The following PAM variants were observed in gnomAD, a reference collection of about 807,000 sequenced individuals.
PAM encodes peptidylglycine alpha-amidating monooxygenase.
Under a neutral mutation model 122.1 loss-of-function variants are expected in PAM, and 72 were observed. That is an observed-to-expected ratio of 0.59 (90% confidence interval 0.49 to 0.72). The LOEUF is 0.72. PAM is among the 30% of genes least tolerant of loss of function. PAM has a pLI of 0.00. For missense variants in PAM, 1,106 were observed against 1,183.7 expected (o/e 0.93, Z 0.96); for synonymous variants, 389 against 404.4 (o/e 0.96, Z 0.46).
At chr5:102,773,398 C>G (rs1013595863) in intron 1 of PAM, among the ~76,000 whole-genome samples, 7 of 152,074 alleles carry the variant, frequency 4.6e-5, no homozygotes, top group Admixed American at 1.3e-4. Context: ...TTGTAGGCCA[C>G]ATGTGATCTC....
At chr5:102,949,055 A>G (rs927272489) in intron 9 of PAM, among the ~76,000 whole-genome samples, 3 of 151,970 alleles carry the variant, frequency 2.0e-5, no homozygotes, top group Non-Finnish European at 2.9e-5. Context: ...CTTTGTTACC[A>G]TTTTTTCATC....
At chr5:102,767,659 A>G (rs1754493535) in intron 1 of PAM, among the ~76,000 whole-genome samples, 1 of 152,166 alleles carries the variant, frequency 6.6e-6, no homozygotes, top group South Asian at 2.1e-4. Context: ...TACAGCCCCT[A>G]TATTCCAAAT....
chr5:102,802,124 TG>T (rs1764944514), intron 1 of PAM, among the ~76,000 whole-genome samples: 1 of 152,112 alleles, frequency 6.6e-6, no homozygotes, highest in Non-Finnish European at 1.5e-5. Context: ...GAGACGAAAA[TG>T]GGAACTTATC....
intron 1 of PAM, among the ~76,000 whole-genome samples, chr5:102,804,221 T>C (rs1369961255): frequency 4.6e-5 from 7 of 152,170 alleles, no homozygotes; most frequent in Non-Finnish European, 1.0e-4. Flanking sequence ...GTGCACTTGA[T>C]TTAGCAGCTC....
At chr5:102,960,960 G>A (rs1285046825) in intron 13 of PAM, among the ~76,000 whole-genome samples, 198 bp from the exon 14 acceptor site, 1 of 112,488 alleles carries the variant, frequency 8.9e-6, no homozygotes, top group African/African-American at 3.5e-5. Flanking sequence ...CAGATGTCTT[G>A]TAATTGGTAG....
intron 21 of PAM, among the ~76,000 whole-genome samples, chr5:103,016,682 A>G (rs962270874): frequency 6.6e-6 from 1 of 152,224 alleles, no homozygotes; most frequent in African/African-American, 2.4e-5. Context: ...AGTAGGGACA[A>G]AAGCCCAGGA....
At chr5:103,002,298 A>G (rs1306026461) in intron 16 of PAM, among the ~76,000 whole-genome samples, 1 of 152,088 alleles carries the variant, frequency 6.6e-6, no homozygotes, top group African/African-American at 2.4e-5. Context: ...ATATATATGA[A>G]TATATGTCCA....
chr5:102,801,160 G>C (rs1410027348), intron 1 of PAM, among the ~76,000 whole-genome samples: 1 of 151,994 alleles, frequency 6.6e-6, no homozygotes, highest in East Asian at 1.9e-4. Flanking sequence ...CGACTGGAGG[G>C]TTCCACCTCA....
chr5:102,997,017 T>C (rs1358642782), intron 16 of PAM, among the ~76,000 whole-genome samples: 1 of 152,146 alleles, frequency 6.6e-6, no homozygotes, highest in African/African-American at 2.4e-5. Flanking sequence ...GTGTTATCAC[T>C]GATATTCTTA....
chr5:102,770,852 G>T (rs1486385976), intron 1 of PAM, among the ~76,000 whole-genome samples: 2 of 151,742 alleles, frequency 1.3e-5, no homozygotes, highest in African/African-American at 4.8e-5. Flanking sequence ...GGTAATATTG[G>T]CATCACAGAA....
At chr5:102,954,498 C>A (rs968294745) in intron 12 of PAM, among the ~76,000 whole-genome samples, 17 of 150,684 alleles carry the variant, frequency 1.1e-4, no homozygotes, top group African/African-American at 4.1e-4. Context: ...AATAAATATA[C>A]TTAATGGTAA....
chr5:102,949,647 A>G, intron 10 of PAM, 30 bp downstream of exon 10: 1 of 1,060,366 alleles, frequency 9.4e-7, no homozygotes, highest in Non-Finnish European at 1.5e-6. Flanking sequence ...AATTATAAAT[A>G]TTTACCATTG....
intron 1 of PAM, among the ~76,000 whole-genome samples, chr5:102,763,341 C>T (rs554042636): frequency 6.6e-6 from 1 of 152,252 alleles, no homozygotes; most frequent in Non-Finnish European, 1.5e-5. Flanking sequence ...TTGGGTTTCA[C>T]TTATTCAACA....
chr5:102,792,882 G>A (rs758306273), intron 1 of PAM, among the ~76,000 whole-genome samples: 1 of 152,124 alleles, frequency 6.6e-6, no homozygotes, highest in African/African-American at 2.4e-5. Context: ...CACACAAAAA[G>A]TGACACAAAA....
intron 14 of PAM, among the ~76,000 whole-genome samples, chr5:102,964,267 C>A (rs1374766327): frequency 6.6e-6 from 1 of 151,904 alleles, no homozygotes; most frequent in Non-Finnish European, 1.5e-5. Context: ...GAATATTAAT[C>A]TTGATTAGAA....
chr5:102,926,180 C>CT (rs1561911195), intron 6 of PAM, among the ~76,000 whole-genome samples: 11 of 152,068 alleles, frequency 7.2e-5, no homozygotes, highest in Admixed American at 1.3e-4. Flanking sequence ...CTGCAAGCTC[C>CT]GCTTCCCGGG....
intron 1 of PAM, among the ~76,000 whole-genome samples, chr5:102,801,770 G>GTTTTTTTT (rs1378058562): frequency 1.4e-5 from 2 of 140,356 alleles, no homozygotes; most frequent in African/African-American, 5.6e-5. Context: ...TAGGGAAAAG[G>GTTTTTTTT]TATTTTTTTT....
In PAM at chr5:102,901,341, T is replaced by A. The variant is rs1419554635; in HGVS notation, c.211-15T>A. ...CAACAGTTTAATTTGGATTTTTTAA[T>A]CTTTTTTTTAATAGTCCGATACATA... On this transcript the variant is annotated splice_polypyrimidine_tract_variant and intron_variant, in intron 3 of 25. Coordinates refer to ENST00000438793, the MANE Select transcript of PAM (RefSeq NM_001177306.2). 2.0e-6 allele frequency: 3 copies of A among 1,502,238 alleles called. No homozygotes were observed. Among genetic ancestry groups the A allele is most frequent in the Non-Finnish European group, 2.8e-6 (3 of 1,081,810 alleles). 93.1% of individuals were successfully genotyped at this position (1,502,238 alleles called of 1,614,324 possible).
chr5:102,879,852 A>G (rs1790407346), intron 3 of PAM, among the ~76,000 whole-genome samples: 1 of 152,226 alleles, frequency 6.6e-6, no homozygotes, highest in Non-Finnish European at 1.5e-5. Flanking sequence ...CTTACAGCCT[A>G]GAAGTAATAG....
Sources: gnomAD v4.1 joint callset for allele counts (sites outside exome capture counted in the v4.1 genomes callset) on GRCh38, gnomAD v4.1.1 for gene constraint, MANE v1.5 for transcripts, NCBI Gene and HGNC (gene_info 2026-07-23, HGNC 2026-07-21) for gene names.